Variants in ARMH3 observed in about 807,000 individuals in gnomAD.
The protein encoded by ARMH3 is armadillo-like helical domain-containing protein 3.
A neutral mutation model predicts 99.1 loss-of-function variants in ARMH3; 60 were observed. That is an observed-to-expected ratio of 0.61 (90% confidence interval 0.49 to 0.75). ARMH3 has a LOEUF of 0.75. Among genes scored for constraint, ARMH3 ranks in the 30% least tolerant of loss-of-function variants. The probability of loss-of-function intolerance (pLI) is 0.00; values close to 1 mark genes in which losing one functional copy is unlikely to be tolerated. For missense variants in ARMH3, 679 were observed against 843.1 expected (o/e 0.81, Z 2.41); for synonymous variants, 285 against 292.8 (o/e 0.97, Z 0.27).
At chr10:101,995,098 C>T (rs1411798328) in intron 16 of ARMH3, among the ~76,000 whole-genome samples, 199 bp downstream of exon 16, 1 of 152,206 alleles carries the variant, frequency 6.6e-6, no homozygotes. Flanking sequence ...AGCGTGGAAG[C>T]AGACAAGACC....
intron 23 of ARMH3, among the ~76,000 whole-genome samples, chr10:101,896,879 C>T (rs1300282179): frequency 6.6e-6 from 1 of 152,162 alleles, no homozygotes; most frequent in Non-Finnish European, 1.5e-5. Context: ...AGGGCACATG[C>T]TCAGGAAGGA....
chr10:102,013,674 T>C (rs1468774822), intron 9 of ARMH3, among the ~76,000 whole-genome samples: 1 of 152,204 alleles, frequency 6.6e-6, no homozygotes, highest in African/African-American at 2.4e-5. Flanking sequence ...TTCTTGAATG[T>C]GTAATTTATT....
At chr10:102,050,519 T>C (rs895383645) in intron 1 of ARMH3, among the ~76,000 whole-genome samples, 5 of 152,138 alleles carry the variant, frequency 3.3e-5, no homozygotes, top group African/African-American at 7.2e-5. Flanking sequence ...TACACTTCTA[T>C]AGAAACTCCA....
chr10:101,995,036 A>AAAACAAAC (rs956931801), intron 16 of ARMH3, among the ~76,000 whole-genome samples: 1 of 152,212 alleles, frequency 6.6e-6, no homozygotes, highest in Non-Finnish European at 1.5e-5. Context: ...ACTCCGTCTC[A>AAAACAAAC]AAACAAACAA....
chr10:101,955,851 G>A (rs1845009987), intron 22 of ARMH3, among the ~76,000 whole-genome samples: 4 of 152,256 alleles, frequency 2.6e-5, no homozygotes, highest in South Asian at 4.2e-4. Context: ...TTTCACATAC[G>A]TACACATATG....
intron 22 of ARMH3, among the ~76,000 whole-genome samples, chr10:101,953,164 C>G (rs547965596): frequency 6.6e-6 from 1 of 152,326 alleles, no homozygotes; most frequent in South Asian, 2.1e-4. Context: ...GGGTACCACT[C>G]TGTCACACAG....
chr10:101,891,176 G>A (rs960653579), intron 23 of ARMH3, among the ~76,000 whole-genome samples: 2 of 151,060 alleles, frequency 1.3e-5, no homozygotes, highest in Non-Finnish European at 3.0e-5. Context: ...TCCTGACGCT[G>A]ACTGGTAGTT....
intron 19 of ARMH3, among the ~76,000 whole-genome samples, chr10:101,983,755 C>G (rs1439531351): frequency 6.6e-6 from 1 of 152,122 alleles, no homozygotes; most frequent in Non-Finnish European, 1.5e-5. Flanking sequence ...CAGACCTCAC[C>G]CTATGTATCT....
At chr10:101,900,715 C>T (rs963677814) in intron 23 of ARMH3, among the ~76,000 whole-genome samples, 2 of 152,192 alleles carry the variant, frequency 1.3e-5, no homozygotes, top group Admixed American at 1.3e-4. Flanking sequence ...GTCACAGTGG[C>T]TTATGCCTGT....
chr10:102,014,470 T>C (rs1312671332), intron 8 of ARMH3, among the ~76,000 whole-genome samples: 2 of 152,244 alleles, frequency 1.3e-5, no homozygotes, highest in Non-Finnish European at 2.9e-5. Flanking sequence ...TGCTAACTTA[T>C]ATTTTCATCC....
chr10:102,012,025 G>A (rs2066640838), intron 10 of ARMH3, among the ~76,000 whole-genome samples: 1 of 152,202 alleles, frequency 6.6e-6, no homozygotes. Flanking sequence ...AAAGCAGGCT[G>A]CAAAAGTGCC....
At chr10:101,877,229 G>A (rs1392155024) in intron 24 of ARMH3, among the ~76,000 whole-genome samples, 1 of 152,146 alleles carries the variant, frequency 6.6e-6, no homozygotes, top group African/African-American at 2.4e-5. Flanking sequence ...CTTGAGTCCG[G>A]GAGCTCGAGG....
At chr10:101,981,216 G>A (rs562247790) in intron 19 of ARMH3, among the ~76,000 whole-genome samples, 1 of 152,018 alleles carries the variant, frequency 6.6e-6, no homozygotes, top group South Asian at 2.1e-4. Flanking sequence ...AAAAAAACAG[G>A]GGTAGCTAAT....
chr10:102,043,160 T>G (rs1284769175), intron 1 of ARMH3, among the ~76,000 whole-genome samples: 2 of 152,168 alleles, frequency 1.3e-5, no homozygotes, highest in African/African-American at 2.4e-5. Context: ...TCAAGCACTT[T>G]TTTCCTATTT....
intron 23 of ARMH3, among the ~76,000 whole-genome samples, chr10:101,909,100 A>G: frequency 6.6e-6 from 1 of 152,062 alleles, no homozygotes; most frequent in Non-Finnish European, 1.5e-5. Flanking sequence ...CCATGTTCAG[A>G]ACAGAAAAGA....
At chr10:102,003,026 G>A (rs2066403024) in intron 14 of ARMH3, among the ~76,000 whole-genome samples, 1 of 151,670 alleles carries the variant, frequency 6.6e-6, no homozygotes, top group African/African-American at 2.4e-5. Context: ...TTACTGATTG[G>A]AACAGCCTGG....
Position 101,978,634 on chromosome 10 carries a change from C to G in ARMH3, c.1407-3334G>C, listed in dbSNP as rs1034375679. 1.3e-5 allele frequency among the ~76,000 whole-genome samples: 2 copies of G among 151,824 alleles called. 1 individual carries two copies. Among genetic ancestry groups the G allele is most frequent in the African/African-American group, 4.8e-5 (2 of 41,316 alleles). ...GGAACAAAGCAGAATCCCATGTCTA[C>G]AAAAATTAAAAACTAAAAAAATTAG... On this transcript the variant is annotated intron_variant, in intron 19 of 25. Transcript: ENST00000370033.
At chr10:102,019,668 C>T (rs2066832578) in intron 8 of ARMH3, among the ~76,000 whole-genome samples, 1 of 151,928 alleles carries the variant, frequency 6.6e-6, no homozygotes, top group South Asian at 2.1e-4. Flanking sequence ...TGGCTCACGC[C>T]TGTAATCCCA....
chr10:101,900,933 G>A (rs1016414530), intron 23 of ARMH3, among the ~76,000 whole-genome samples: 3 of 152,002 alleles, frequency 2.0e-5, no homozygotes, highest in Admixed American at 1.3e-4. Flanking sequence ...ACAGTGAGCT[G>A]TGATCATGCC....
Sources: allele counts gnomAD v4.1 joint callset (sites outside exome capture counted in the v4.1 genomes callset), GRCh38; gene constraint gnomAD v4.1.1; transcripts MANE v1.5; gene names NCBI Gene and HGNC (gene_info 2026-07-23, HGNC 2026-07-21).